PRKG1: variants seen among roughly 807,000 people sequenced by gnomAD.
PRKG1 encodes protein kinase cGMP-dependent 1, also known as cGMP-dependent protein kinase 1.
In PRKG1, 35 loss-of-function variants were observed where a neutral mutation model predicts 88.1. The ratio of observed to expected loss-of-function variants is 0.40; its 90% confidence interval spans 0.30 to 0.53. The LOEUF (loss-of-function observed/expected upper bound fraction) is 0.53, where lower values mean the gene tolerates loss of function less well. Among genes scored for constraint, PRKG1 ranks in the 20% least tolerant of loss-of-function variants. The pLI is 0.59. For synonymous variants in PRKG1, 303 were observed against 292.5 expected (o/e 1.04, Z -0.37); for missense variants, 540 against 839.8 (o/e 0.64, Z 4.41).
intron 5 of PRKG1, among the ~76,000 whole-genome samples, chr10:51,997,383 A>G (rs1844474884): frequency 6.6e-6 from 1 of 151,444 alleles, no homozygotes; most frequent in Non-Finnish European, 1.5e-5. Context: ...AGGCACAAGA[A>G]TCATTTGAAC....
intron 9 of PRKG1, among the ~76,000 whole-genome samples, chr10:52,239,414 T>G (rs1261265410): frequency 6.8e-6 from 1 of 146,424 alleles, no homozygotes; most frequent in South Asian, 2.2e-4. Flanking sequence ...CTGAAATGAG[T>G]TGATTAGATG....
intron 3 of PRKG1, among the ~76,000 whole-genome samples, chr10:51,759,477 G>A (rs57376558): frequency 1.8e-4 from 28 of 152,200 alleles, no homozygotes; most frequent in African/African-American, 6.5e-4. Context: ...ATGTTGGCCA[G>A]GTTGGTCTCA....
intron 2 of PRKG1, among the ~76,000 whole-genome samples, chr10:51,163,056 A>C (rs1020197227): frequency 6.6e-6 from 1 of 152,068 alleles, no homozygotes; most frequent in African/African-American, 2.4e-5. Flanking sequence ...TCCCAGCTAC[A>C]CAGGAGGCTG....
intron 4 of PRKG1, among the ~76,000 whole-genome samples, chr10:51,859,583 A>G (rs896462006): frequency 6.6e-6 from 1 of 152,156 alleles, no homozygotes; most frequent in Non-Finnish European, 1.5e-5. Flanking sequence ...ATTGAATATT[A>G]CATGCCAAAT....
At chr10:52,106,714 T>C (rs1331829686) in intron 7 of PRKG1, among the ~76,000 whole-genome samples, 1 of 104,250 alleles carries the variant, frequency 9.6e-6, no homozygotes, top group Non-Finnish European at 2.3e-5. Flanking sequence ...AAAATAATAA[T>C]AATAATAATA....
intron 2 of PRKG1, among the ~76,000 whole-genome samples, chr10:51,413,128 A>T (rs976454831): frequency 3.9e-5 from 6 of 152,216 alleles, no homozygotes; most frequent in Non-Finnish European, 8.8e-5. Flanking sequence ...ATTCAAAATG[A>T]CAAATATGAT....
chr10:52,176,127 G>T (rs1436014092), intron 9 of PRKG1, among the ~76,000 whole-genome samples: 2 of 147,180 alleles, frequency 1.4e-5, no homozygotes, highest in African/African-American at 2.5e-5. Flanking sequence ...GCAGTTTGGG[G>T]TCTTACATTT....
intron 2 of PRKG1, among the ~76,000 whole-genome samples, chr10:51,176,643 T>A (rs1170339568): frequency 6.6e-6 from 1 of 152,050 alleles, no homozygotes; most frequent in Non-Finnish European, 1.5e-5. Context: ...TTGAGTTAGA[T>A]TCAGTGTCAG....
intron 5 of PRKG1, among the ~76,000 whole-genome samples, chr10:51,993,949 C>T (rs1289097324): frequency 6.6e-6 from 1 of 152,128 alleles, no homozygotes; most frequent in Non-Finnish European, 1.5e-5. Context: ...GGAGGGTCTC[C>T]TTCCTTCCTT....
intron 3 of PRKG1, among the ~76,000 whole-genome samples, chr10:51,537,948 G>A (rs909872097): frequency 6.6e-6 from 1 of 152,054 alleles, no homozygotes; most frequent in African/African-American, 2.4e-5. Flanking sequence ...ATTAATCTTA[G>A]CTTTAAGCTA....
chr10:51,041,123 C>A (rs1042461353), intron 1 of PRKG1, among the ~76,000 whole-genome samples: 2 of 152,056 alleles, frequency 1.3e-5, no homozygotes, highest in African/African-American at 4.8e-5. Context: ...CTGGAGTGAG[C>A]ACTGCCTGGC....
intron 9 of PRKG1, among the ~76,000 whole-genome samples, chr10:52,173,809 C>T (rs1838779393): frequency 6.6e-6 from 1 of 152,128 alleles, no homozygotes; most frequent in Non-Finnish European, 1.5e-5. Flanking sequence ...ACTAATTGAG[C>T]ATACTGAAGA....
At chr10:51,587,992 C>A (rs1215033073) in intron 3 of PRKG1, among the ~76,000 whole-genome samples, 1 of 152,180 alleles carries the variant, frequency 6.6e-6, no homozygotes, top group Non-Finnish European at 1.5e-5. Flanking sequence ...GTTGCTCAGC[C>A]TTACTTTCCC....
At chr10:52,002,987 T>C (rs4935024) in intron 5 of PRKG1, among the ~76,000 whole-genome samples, 11,346 of 152,252 alleles carry the variant, frequency 0.075, 691 homozygotes, top group East Asian at 0.3. Context: ...TGGTTATTTG[T>C]TTATGAATCT....
intron 2 of PRKG1, among the ~76,000 whole-genome samples, chr10:51,272,758 A>G (rs1253031063): frequency 6.6e-6 from 1 of 152,156 alleles, no homozygotes; most frequent in Non-Finnish European, 1.5e-5. Context: ...CGGGTGATCC[A>G]TATTTTAATT....
chr10:51,145,060 G>C (rs1199818948), intron 1 of PRKG1, among the ~76,000 whole-genome samples: 1 of 152,124 alleles, frequency 6.6e-6, no homozygotes, highest in East Asian at 1.9e-4. Flanking sequence ...TTTCTTTAAT[G>C]ATCAATTTGA....
intron 3 of PRKG1, among the ~76,000 whole-genome samples, chr10:51,649,574 TAGAG>T (rs1417164587): frequency 6.6e-6 from 1 of 152,168 alleles, no homozygotes; most frequent in Non-Finnish European, 1.5e-5. Flanking sequence ...GTGTCACCGA[TAGAG>T]AGTCGTGACT....
At chr10:52,194,473 A>T (rs1839454690) in intron 9 of PRKG1, among the ~76,000 whole-genome samples, 1 of 152,206 alleles carries the variant, frequency 6.6e-6, no homozygotes, top group South Asian at 2.1e-4. Flanking sequence ...AGGATTAGTA[A>T]GAACTTAAAA....
At chr10:51,259,241 T>C (rs903712161) in intron 2 of PRKG1, among the ~76,000 whole-genome samples, 1 of 152,214 alleles carries the variant, frequency 6.6e-6, no homozygotes, top group Non-Finnish European at 1.5e-5. Context: ...TACCTAAAGC[T>C]TTCATGAGAA....
Sources: gnomAD v4.1 joint callset for allele counts (sites outside exome capture counted in the v4.1 genomes callset) on GRCh38, gnomAD v4.1.1 for gene constraint, MANE v1.5 for transcripts, NCBI Gene and HGNC (gene_info 2026-07-23, HGNC 2026-07-21) for gene names.